Variants in NINL observed in about 807,000 individuals in gnomAD.
NINL encodes ninein like.
Under a neutral mutation model 160.3 loss-of-function variants are expected in NINL, and 153 were observed. The ratio of observed to expected loss-of-function variants is 0.95; its 90% CI spans 0.84 to 1.09. The LOEUF (loss-of-function observed/expected upper bound fraction) is 1.09. Ranked by LOEUF, NINL falls within the 50% of genes least tolerant of loss-of-function variation. The probability of loss-of-function intolerance (pLI) is 0.00; values close to 1 mark genes in which losing one functional copy is unlikely to be tolerated. For missense variants in NINL, 1,829 were observed against 1,764.0 expected, an observed-to-expected ratio of 1.04 and a Z score of -0.66; for synonymous variants, 800 against 734.8, an observed-to-expected ratio of 1.09 and a Z score of -1.43.
At chr20:25,504,253 A>C in intron 6 of NINL, 149 bp from the exon 7 acceptor site, 1 of 781,782 alleles carries the variant, frequency 1.3e-6, no homozygotes, top group South Asian at 2.1e-5. Flanking sequence ...TGTGTAGACC[A>C]TGCGGGCTAT....
chr20:25,466,034 A>G lies in NINL; in HGVS notation c.3423+1355T>C, dbSNP rs2062905181. Among the ~76,000 whole-genome samples, 3 of 151,880 alleles carry G rather than the reference A, an allele frequency of 2.0e-5. No individual in the cohort carries two copies. In the South Asian group the frequency reaches 6.2e-4, roughly 32 times the overall value. ...CTGGAACTTATTTTCTATTATTATT[A>G]TTATTATGAGAGACAGGGTCTCACT... On this transcript the variant is annotated intron_variant, in intron 19 of 23. Transcript: ENST00000278886.
intron 3 of NINL, among the ~76,000 whole-genome samples, chr20:25,516,809 G>T (rs1050599359): frequency 1.3e-5 from 2 of 152,168 alleles, no homozygotes; most frequent in African/African-American, 4.8e-5. Flanking sequence ...GCAAGAGGAA[G>T]TGGGAAGGGG....
chr20:25,506,567 AC>A (rs1017521407), intron 5 of NINL, among the ~76,000 whole-genome samples: 2 of 152,296 alleles, frequency 1.3e-5, no homozygotes, highest in East Asian at 3.9e-4. Flanking sequence ...TACCTAACCC[AC>A]CAACATCGTA....
At chr20:25,471,955 GAAACT>G (rs2063104471) in intron 17 of NINL, among the ~76,000 whole-genome samples, 1 of 152,128 alleles carries the variant, frequency 6.6e-6, no homozygotes, top group Admixed American at 6.5e-5. Flanking sequence ...CAATCCTCTA[GAAACT>G]GCAGGTATTG....
chr20:25,524,036 C>A (rs1040414311), intron 2 of NINL, among the ~76,000 whole-genome samples: 7 of 152,182 alleles, frequency 4.6e-5, no homozygotes, highest in African/African-American at 1.4e-4. Flanking sequence ...CATTGGGTTT[C>A]TTGTAGAAAA....
chr20:25,471,312 T>A (rs2063088357), intron 17 of NINL, among the ~76,000 whole-genome samples: 1 of 152,186 alleles, frequency 6.6e-6, no homozygotes, highest in African/African-American at 2.4e-5. Context: ...CTTATAATAG[T>A]AAACATAAGT....
intron 13 of NINL, among the ~76,000 whole-genome samples, chr20:25,487,693 G>T (rs2063531349): frequency 6.6e-6 from 1 of 152,250 alleles, no homozygotes; most frequent in Non-Finnish European, 1.5e-5. Flanking sequence ...ACCATGTGGT[G>T]AACGACCTTA....
intron 7 of NINL, among the ~76,000 whole-genome samples, chr20:25,503,480 C>T (rs1478879867): frequency 1.4e-5 from 2 of 146,064 alleles, no homozygotes; most frequent in Non-Finnish European, 3.0e-5. Flanking sequence ...GCACTGCCTC[C>T]TGTAACCCCA....
At chr20:25,572,502 T>G (rs1426683398) in intron 1 of NINL, among the ~76,000 whole-genome samples, 1 of 152,156 alleles carries the variant, frequency 6.6e-6, no homozygotes. Flanking sequence ...ACTTTGGAAT[T>G]TATCCTTCTG....
Position 25,473,675 on chromosome 20 carries a change from TACACACACACACACAC to T in NINL, c.3248+2352_3248+2367del, listed in dbSNP as rs56359105. On this transcript the variant is annotated intron_variant, in intron 17 of 23. Transcript: ENST00000278886. ...CCCGTCTGTAGTAAAAATACACACA[TACACACACACACACAC>T]ACACACACACACACACACACACACA... is the stretch of plus-strand genomic sequence containing the variant. Among the ~76,000 whole-genome samples the T allele has an allele frequency of 3.9e-3, 535 of 137,984 alleles. 2 individuals carry two copies. Among genetic ancestry groups the T allele is most frequent in the African/African-American group, 8.6e-3 (316 of 36,890 alleles). 90.5% of individuals were successfully genotyped at this position (137,984 alleles called of 152,430 possible). A position where few individuals can be genotyped will look rare whatever the true frequency, so the allele number is the denominator to read the frequency against.
intron 1 of NINL, among the ~76,000 whole-genome samples, chr20:25,538,781 A>G (rs2064606611): frequency 6.6e-6 from 1 of 151,704 alleles, no homozygotes; most frequent in Admixed American, 6.6e-5. Context: ...ACAGAACTGG[A>G]GAGCACAGAA....
chr20:25,501,108 G>A, intron 7 of NINL, 98 bp from the exon 8 acceptor site: 1 of 1,449,508 alleles, frequency 6.9e-7, no homozygotes, highest in Non-Finnish European at 9.2e-7. Context: ...GTGCTCAGAG[G>A]GCCTCACAGG....
At chr20:25,474,144 G>C (rs567074033) in intron 17 of NINL, among the ~76,000 whole-genome samples, 6 of 152,218 alleles carry the variant, frequency 3.9e-5, no homozygotes, top group African/African-American at 1.4e-4. Context: ...GGAGGCAGAA[G>C]AGTCAGTGTT....
At chr20:25,504,773 T>G in intron 6 of NINL, 115 bp downstream of exon 6, 1 of 1,082,814 alleles carries the variant, frequency 9.2e-7, no homozygotes, top group Non-Finnish European at 1.3e-6. Flanking sequence ...GGATTTTAGA[T>G]TAGAAAGTGA....
At position 25,504,994 on chromosome 20, in the gene NINL, A is replaced by G; in HGVS notation, c.602T>C (p.Ile201Thr). ...SPSFDTPESQ[I>T]RGVWEELGVG... is the part of the protein sequence containing the mutation. Reference sequence around the variant, plus strand: ...CCCCAGCTCTTCCCACACGCCCCGGATCTGGCTCTCTGGGGTGTCAAAGGA... The same window carrying G: ...CCCCAGCTCTTCCCACACGCCCCGGGTCTGGCTCTCTGGGGTGTCAAAGGA... The change falls in exon 6 of 24, where the codon ATC (isoleucine) becomes ACC (threonine). Residue 201 changes from isoleucine to threonine, a missense_variant. Ile to Thr is a moderately conservative substitution (Grantham distance 89, BLOSUM62 -1). Transcript: ENST00000278886. 1 of 1,613,874 alleles carries G rather than the reference A, an allele frequency of 6.2e-7. No homozygotes were observed. The highest frequency in any genetic ancestry group is 8.5e-7 in the Non-Finnish European group (1 of 1,179,970).
intron 10 of NINL, among the ~76,000 whole-genome samples, chr20:25,492,907 C>T (rs996163937): frequency 2.6e-5 from 4 of 152,142 alleles, no homozygotes; most frequent in Non-Finnish European, 5.9e-5. Flanking sequence ...TCACTCATTA[C>T]ATTTATAATA....
chr20:25,553,652 C>A (rs2064830668), intron 1 of NINL, among the ~76,000 whole-genome samples: 2 of 152,226 alleles, frequency 1.3e-5, no homozygotes, highest in African/African-American at 4.8e-5. Flanking sequence ...CAAAAATGCA[C>A]AGACTTGCAC....
intron 13 of NINL, among the ~76,000 whole-genome samples, chr20:25,485,224 A>C (rs2063484052): frequency 6.6e-6 from 1 of 152,238 alleles, no homozygotes; most frequent in Non-Finnish European, 1.5e-5. Flanking sequence ...ATGGCAGTTC[A>C]TCAAGCATGC....
intron 5 of NINL, among the ~76,000 whole-genome samples, chr20:25,506,205 G>A (rs1474143262): frequency 6.6e-6 from 1 of 152,220 alleles, no homozygotes; most frequent in Non-Finnish European, 1.5e-5. Flanking sequence ...ACATTGCAGT[G>A]AGCCGAGGTC....
Sources: gnomAD v4.1 joint callset for allele counts (sites outside exome capture counted in the v4.1 genomes callset) on GRCh38, gnomAD v4.1.1 for gene constraint, MANE v1.5 for transcripts, NCBI Gene and HGNC (gene_info 2026-07-23, HGNC 2026-07-21) for gene names.